THADA: variants seen among roughly 807,000 people sequenced by gnomAD.
THADA encodes the protein THADA armadillo repeat containing, also known as tRNA (32-2'-O)-methyltransferase regulator THADA.
THADA carries 213 observed loss-of-function variants against 219.8 expected under a neutral mutation model. That is an observed-to-expected ratio of 0.97 (90% confidence interval 0.87 to 1.09). The LOEUF is 1.09. Among genes scored for constraint, THADA ranks in the 50% least tolerant of loss-of-function variants. THADA has a pLI of 0.00. For missense variants in THADA, 2,956 were observed against 2,311.3 expected (o/e 1.28, Z -5.72); for synonymous variants, 1,018 against 828.9 (o/e 1.23, Z -3.92).
intron 29 of THADA, among the ~76,000 whole-genome samples, chr2:43,392,595 G>A (rs1026853151): frequency 4.0e-5 from 6 of 151,882 alleles, no homozygotes; most frequent in East Asian, 1.9e-4. Flanking sequence ...CTCCAGTTTC[G>A]GTCTTCATGT....
At chr2:43,512,837 T>C (rs1690670123) in intron 22 of THADA, among the ~76,000 whole-genome samples, 1 of 152,220 alleles carries the variant, frequency 6.6e-6, no homozygotes, top group Admixed American at 6.5e-5. Flanking sequence ...TGGAAATATA[T>C]TTGCCTGCCA....
intron 36 of THADA, among the ~76,000 whole-genome samples, chr2:43,274,426 A>T (rs1672480164): frequency 6.6e-6 from 1 of 152,176 alleles, no homozygotes; most frequent in South Asian, 2.1e-4. Flanking sequence ...TATGGTGAAA[A>T]ATCAATCCAT....
Position 43,551,865 on chromosome 2 carries a change from G to T in THADA, c.2871C>A (p.Tyr957Ter). The part of the protein sequence containing the change: ...PVVEKLLLMS[Y>*]RLSTVVSPVI... ...CTGGAGACACCACAGTGGAAAGCCT[G>T]TAGGACATCAAAAGGAGCTTCTCTA... Residue 957 changes from tyrosine (Y) to a stop codon, truncating the protein, a stop_gained, in exon 19 of 38, where the codon TAC (tyrosine) becomes TAA (stop). Transcript: ENST00000405975. LOFTEE classifies it high-confidence loss of function. 3.7e-6 allele frequency: 6 copies of T among 1,613,890 alleles called. No homozygotes were observed. Among genetic ancestry groups the T allele is most frequent in the Non-Finnish European group, 4.2e-6 (5 of 1,179,844 alleles).
intron 28 of THADA, among the ~76,000 whole-genome samples, chr2:43,426,740 G>A (rs1288628516): frequency 1.3e-5 from 2 of 152,176 alleles, no homozygotes; most frequent in Non-Finnish European, 2.9e-5. Flanking sequence ...AAACAAGGAA[G>A]TGAAACCTAG....
At chr2:43,446,656 A>C (rs1681597627) in intron 26 of THADA, among the ~76,000 whole-genome samples, 1 of 152,246 alleles carries the variant, frequency 6.6e-6, no homozygotes, top group Admixed American at 6.5e-5. Context: ...GAGAAATGAT[A>C]AATTGTTAAG....
chr2:43,439,129 A>G lies in THADA; in HGVS notation c.3837-8827T>C, dbSNP rs542345804. Among the ~76,000 whole-genome samples, 29 of 152,330 alleles carry G rather than the reference A, an allele frequency of 1.9e-4. No homozygotes were observed. In the East Asian group the frequency reaches 3.9e-3, roughly 20 times the overall value. On this transcript the variant is annotated intron_variant, in intron 26 of 37. Coordinates refer to ENST00000405975, the MANE Select transcript of THADA (RefSeq NM_022065.5). ...ACGAAATCACAGAAAGCGAAACCATAGATATCCTCATCCTTGGTTTCAGTT... is the reference window on the plus strand; with the variant it reads ...ACGAAATCACAGAAAGCGAAACCATGGATATCCTCATCCTTGGTTTCAGTT...
rs1052485416 is a variant in THADA at position 43,547,365 on chromosome 2, G to A, written c.3106+1845C>T. The stretch of plus-strand genomic sequence containing the variant: ...TCTGTCTTGGAGTTGCTCTTCTCAA[G>A]GATTATCTTTGTGGCGTTCTCTGTA... On this transcript the variant is annotated intron_variant, in intron 20 of 37. Transcript: ENST00000405975. Among the ~76,000 whole-genome samples the A allele has an allele frequency of 5.3e-5, 8 of 152,146 alleles. 1 individual carries two copies. The highest frequency in any genetic ancestry group is 3.9e-4 in the East Asian group (2 of 5,192).
In THADA at chr2:43,428,224, C is replaced by T. The variant is rs1301478927; in HGVS notation, c.3934G>A (p.Gly1312Arg). 2 of 1,596,658 alleles carry T rather than the reference C, an allele frequency of 1.3e-6. No homozygotes were observed. Among genetic ancestry groups the T allele is most frequent in the Non-Finnish European group, 1.7e-6 (2 of 1,170,132 alleles). ...TVANTVDSDM[G>R]EPNRHPSMFL... ...ATGCTTGGATGACGATTTGGTTCTC[C>T]CATATCACTGAAACAACAATTATTA... The change falls in exon 28 of 38, where the codon GGA becomes AGA. Residue 1312 changes from glycine (G) to arginine (R), a missense_variant. Physicochemically the swap from Gly to Arg is moderately radical, Grantham distance 125 (BLOSUM62 -2). Transcript: ENST00000405975.
intron 7 of THADA, among the ~76,000 whole-genome samples, chr2:43,582,852 A>T (rs1452807697): frequency 6.6e-6 from 1 of 152,030 alleles, no homozygotes; most frequent in African/African-American, 2.4e-5. Context: ...TACAGGCGTG[A>T]ACAACCATGC....
At chr2:43,545,956 T>C (rs1695973934) in intron 20 of THADA, among the ~76,000 whole-genome samples, 2 of 151,786 alleles carry the variant, frequency 1.3e-5, no homozygotes, top group African/African-American at 2.4e-5. Flanking sequence ...GTTCTTTTAA[T>C]TGTGATGTTA....
At chr2:43,295,109 T>A (rs553048367) in intron 31 of THADA, among the ~76,000 whole-genome samples, 3 of 152,106 alleles carry the variant, frequency 2.0e-5, no homozygotes, top group Non-Finnish European at 2.9e-5. Context: ...AAATAAAAAG[T>A]CAGCTGGGTG....
chr2:43,312,734 TTC>T (rs1264778392), intron 31 of THADA, among the ~76,000 whole-genome samples: 4 of 151,544 alleles, frequency 2.6e-5, no homozygotes, highest in African/African-American at 9.7e-5. Flanking sequence ...TTTTTTTTTT[TTC>T]CTCCTCCTTA....
chr2:43,528,590 C>T (rs1449563964), intron 21 of THADA, among the ~76,000 whole-genome samples: 1 of 152,130 alleles, frequency 6.6e-6, no homozygotes, highest in Non-Finnish European at 1.5e-5. Flanking sequence ...GGAACCAGAA[C>T]ATGAAGCCAA....
chr2:43,560,267 C>T lies in THADA; in HGVS notation c.2430G>A (p.Leu810=). 1 of 1,612,350 alleles carries T rather than the reference C, an allele frequency of 6.2e-7. No individual in the cohort carries two copies. The highest frequency in any genetic ancestry group is 8.5e-7 in the Non-Finnish European group (1 of 1,179,204). ...GTACAGCTGTTTTTGATAACTTCAT[C>T]AGAAGATCAAATGCTAAAATTTTCA... ...EDVKILAFDL[L]MKLSKTAVHF... is the part of the protein sequence containing the mutation. Residue 810 remains leucine (L), a synonymous_variant, in exon 16 of 38, where the codon CTG becomes CTA. Transcript: ENST00000405975.
chr2:43,454,049 TTA>T (rs1682687119), intron 26 of THADA, among the ~76,000 whole-genome samples: 1 of 152,172 alleles, frequency 6.6e-6, no homozygotes, highest in Non-Finnish European at 1.5e-5. Context: ...TGGCTAATTA[TTA>T]TAGAGACAGG....
chr2:43,362,645 T>C (rs1202161643), intron 29 of THADA, among the ~76,000 whole-genome samples: 1 of 152,182 alleles, frequency 6.6e-6, no homozygotes, highest in Non-Finnish European at 1.5e-5. Flanking sequence ...TACACCACCG[T>C]AGACTTTACG....
chr2:43,377,784 C>G (rs762099372), intron 29 of THADA, among the ~76,000 whole-genome samples: 8 of 152,072 alleles, frequency 5.3e-5, no homozygotes, highest in African/African-American at 1.9e-4. Context: ...CACAAAACTA[C>G]CAGAGACAAC....
chr2:43,306,497 C>T (rs765457829), intron 31 of THADA, among the ~76,000 whole-genome samples: 3 of 152,170 alleles, frequency 2.0e-5, no homozygotes, highest in Admixed American at 6.5e-5. Flanking sequence ...GATTCCTTTA[C>T]ATAATGGGCT....
At chr2:43,339,508 G>A (rs551304579) in intron 30 of THADA, among the ~76,000 whole-genome samples, 1 of 152,254 alleles carries the variant, frequency 6.6e-6, no homozygotes, top group African/African-American at 2.4e-5. Context: ...TCAAACTCCT[G>A]GCCTTATGTG....
Sources: gnomAD v4.1 joint callset for allele counts (sites outside exome capture counted in the v4.1 genomes callset) on GRCh38, gnomAD v4.1.1 for gene constraint, MANE v1.5 for transcripts, NCBI Gene and HGNC (gene_info 2026-07-23, HGNC 2026-07-21) for gene names.